The following CANX variants were observed in gnomAD, a reference collection of about 807,000 sequenced individuals.
CANX encodes epididymis secretory sperm binding protein.
CANX carries 14 observed loss-of-function variants against 75.7 expected under a neutral mutation model. That is an observed-to-expected ratio of 0.19 (90% CI 0.12 to 0.29). The LOEUF is 0.29. CANX is among the 10% of genes least tolerant of loss of function. CANX has a pLI of 1.00. For missense variants in CANX, 567 were observed against 713.2 expected, an observed-to-expected ratio of 0.79 and a Z score of 2.34; for synonymous variants, 227 against 236.9, an observed-to-expected ratio of 0.96 and a Z score of 0.38.
At chr5:179,716,410 G>A (rs888642871) in intron 8 of CANX, 116 bp downstream of exon 8, 1 of 710,090 alleles carries the variant, frequency 1.4e-6, no homozygotes, top group African/African-American at 1.8e-5. Context: ...CCATGATGCA[G>A]TCTAATCTGT....
intron 1 of CANX, among the ~76,000 whole-genome samples, chr5:179,703,321 G>A (rs1400297235): frequency 2.6e-5 from 4 of 151,078 alleles, no homozygotes; most frequent in East Asian, 2.0e-4. Context: ...AGGTTCAAGC[G>A]ATTCTCCTCC....
intron 1 of CANX, among the ~76,000 whole-genome samples, chr5:179,703,405 A>G (rs1776903841): frequency 6.6e-6 from 1 of 151,316 alleles, no homozygotes; most frequent in Non-Finnish European, 1.5e-5. Context: ...TTTAGTAGAA[A>G]CGGAGTTTCA....
chr5:179,727,124 C>G (rs564043646), intron 14 of CANX, among the ~76,000 whole-genome samples: 15 of 152,264 alleles, frequency 9.9e-5, no homozygotes, highest in Admixed American at 8.5e-4. Flanking sequence ...AACTTTTTGT[C>G]CCCGTTGTCC....
In CANX at chr5:179,707,157, G is replaced by A; in HGVS notation, c.271G>A (p.Asp91Asn). The A allele has an allele frequency of 6.2e-7, 1 of 1,601,774 alleles. No individual in the cohort carries two copies. Among genetic ancestry groups the A allele is most frequent in the Non-Finnish European group, 8.6e-7 (1 of 1,168,802 alleles). ...GTGGATTTTATCCAAAGCCAAGAAAGACGATACCGATGATGAAATTGCCAA... is the reference window on the plus strand; with the variant it reads ...GTGGATTTTATCCAAAGCCAAGAAAAACGATACCGATGATGAAATTGCCAA... ...SGWILSKAKK[D>N]DTDDEIAKYD... Residue 91 changes from aspartate to asparagine, a missense_variant, in exon 4 of 15, where the codon GAC (aspartate) becomes AAC (asparagine). By Grantham distance (23) the Asp-to-Asn change is conservative. Coordinates refer to ENST00000247461, the MANE Select transcript of CANX (RefSeq NM_001746.4).
chr5:179,679,196 C>T (rs762709823), intron 1 of CANX: 15 of 1,534,788 alleles, frequency 9.8e-6, no homozygotes, highest in African/African-American at 1.4e-5. Flanking sequence ...GGAGCGCTGG[C>T]GACTCGTGCT....
intron 1 of CANX, among the ~76,000 whole-genome samples, chr5:179,688,739 G>C (rs888293976): frequency 7.2e-5 from 11 of 151,778 alleles, no homozygotes; most frequent in African/African-American, 2.7e-4. Flanking sequence ...CCAGCACTTT[G>C]GGAGGCTGAG....
chr5:179,686,741 C>T (rs769671508), intron 1 of CANX, among the ~76,000 whole-genome samples: 3 of 152,192 alleles, frequency 2.0e-5, no homozygotes, highest in Non-Finnish European at 2.9e-5. Flanking sequence ...ACTGGGATTA[C>T]AGGCGTGAGC....
Position 179,699,028 on chromosome 5 carries a change from CTT to C in CANX, c.-76_-75del. On this transcript the variant is annotated 5_prime_UTR_variant, in exon 1 of 15. Transcript: ENST00000247461. The stretch of plus-strand genomic sequence containing the variant: ...ACGGTCGGGCCGCCTCCGCCTCTCT[CTT>C]TACTGCGGCGCGGGGCAAGGTGTGC... 2 of 1,111,124 alleles carry C rather than the reference CTT, an allele frequency of 1.8e-6. No homozygotes were observed. Among genetic ancestry groups the C allele is most frequent in the Non-Finnish European group, 2.2e-6 (2 of 903,500 alleles). 68.8% of individuals were successfully genotyped at this position (1,111,124 alleles called of 1,614,324 possible).
At chr5:179,694,616 G>A, upstream of CANX, 11 of 986,424 alleles carry the variant, frequency 1.1e-5, no homozygotes, top group Non-Finnish European at 1.8e-5. Flanking sequence ...ACATCACTAA[G>A]ACGGCAAAGC....
intron 8 of CANX, among the ~76,000 whole-genome samples, chr5:179,718,269 C>T (rs1394866309): frequency 5.3e-5 from 8 of 152,144 alleles, no homozygotes; most frequent in Admixed American, 1.3e-4. Flanking sequence ...CTCTGCCTCC[C>T]GGGTTCAAAC....
At chr5:179,698,612 T>C, upstream of CANX, 1 of 1,286,190 alleles carries the variant, frequency 7.8e-7, no homozygotes, top group Non-Finnish European at 1.0e-6. Flanking sequence ...GGGTGAGGGC[T>C]ACTGGGGGTT....
At position 179,679,266 on chromosome 5, in the gene CANX, C is replaced by G. The variant is rs956052889; in HGVS notation, c.-4+489C>G. 30 of 1,520,230 alleles carry G rather than the reference C, an allele frequency of 2.0e-5. 1 individual carries two copies. The highest frequency in any genetic ancestry group is 2.5e-5 in the Non-Finnish European group (28 of 1,138,796). The allele number at this position is 1,520,230 out of a possible 1,614,324, so 94.2% of individuals were successfully genotyped here. A position where few individuals can be genotyped will look rare whatever the true frequency, so the allele number is the denominator to read the frequency against. On this transcript the variant is annotated intron_variant, in intron 1 of 14. Coordinates refer to the CANX transcript ENST00000681674. ...GATGAAGGCGAGCCAGGGGGCGCTGCTGGGAGACAAGAGTCCGGGTGAGCA... is the reference window on the plus strand; with the variant it reads ...GATGAAGGCGAGCCAGGGGGCGCTGGTGGGAGACAAGAGTCCGGGTGAGCA...
In CANX at chr5:179,688,822, G is replaced by A. The variant is rs576699125; in HGVS notation, c.-4+10045G>A. ...ATGGTGAAACCCCTACTAAAAATAC[G>A]AAAATTAGCCAGAGTGCTCCAGGGG... On this transcript the variant is annotated intron_variant, in intron 1 of 14. Coordinates refer to the CANX transcript ENST00000681674. 4.7e-5 allele frequency among the ~76,000 whole-genome samples: 7 copies of A among 149,958 alleles called. No homozygotes were observed. The East Asian group carries it at 1.2e-3, about 26-fold the overall frequency.
chr5:179,680,041 G>T (rs1345210467), intron 1 of CANX, among the ~76,000 whole-genome samples: 4 of 146,136 alleles, frequency 2.7e-5, no homozygotes, highest in Non-Finnish European at 5.9e-5. Flanking sequence ...TCGAACTCCG[G>T]ACCTCAGGTG....
chr5:179,697,760 G>A (rs573810620), upstream of CANX, among the ~76,000 whole-genome samples: 26 of 152,028 alleles, frequency 1.7e-4, no homozygotes, highest in Non-Finnish European at 3.4e-4. Context: ...GCGTGGTGGC[G>A]GGCGCCTGTA....
chr5:179,720,371 C>T (rs199507821), intron 9 of CANX, 33 bp from the exon 10 acceptor site: 10 of 1,597,634 alleles, frequency 6.3e-6, no homozygotes, highest in Non-Finnish European at 6.9e-6. Flanking sequence ...CATCACAGAA[C>T]CTGTTTATAA....
In CANX at chr5:179,724,730, A is replaced by T. The variant is rs756889602; in HGVS notation, c.1592A>T (p.Lys531Met). ...QPDVKEEEEE[K>M]EEEKDKGDEE... ...GATGTGAAGGAAGAGGAAGAAGAGAAGGAAGAGGAAAAGGACAAGGGAGAT... is the reference window on the plus strand; with the variant it reads ...GATGTGAAGGAAGAGGAAGAAGAGATGGAAGAGGAAAAGGACAAGGGAGAT... The change falls in exon 13 of 15, where the codon AAG becomes ATG. Residue 531 changes from lysine to methionine, a missense_variant. By Grantham distance (95) the Lys-to-Met change is moderately conservative. Transcript: ENST00000247461. 6.2e-7 allele frequency: 1 copy of T among 1,612,310 alleles called. No individual in the cohort carries two copies. Among genetic ancestry groups the T allele is most frequent in the Non-Finnish European group, 8.5e-7 (1 of 1,178,324 alleles).
intron 13 of CANX, among the ~76,000 whole-genome samples, chr5:179,725,174 C>T (rs1237067580): frequency 1.3e-5 from 2 of 152,220 alleles, no homozygotes; most frequent in Middle Eastern, 3.4e-3. Context: ...CACAGGCATG[C>T]GCTACCATGC....
intron 5 of CANX, among the ~76,000 whole-genome samples, chr5:179,708,736 A>C (rs1445190590): frequency 6.6e-6 from 1 of 152,154 alleles, no homozygotes; most frequent in East Asian, 1.9e-4. Context: ...CCTGACTCTA[A>C]ATAACTTGTA....
Sources: gnomAD v4.1 joint callset for allele counts (sites outside exome capture counted in the v4.1 genomes callset) on GRCh38, gnomAD v4.1.1 for gene constraint, MANE v1.5 for transcripts, NCBI Gene and HGNC (gene_info 2026-07-23, HGNC 2026-07-21) for gene names.